Variants in CFAP206 observed in about 807,000 individuals in gnomAD.
The protein encoded by CFAP206 is cilia and flagella associated protein 206, also known as cilia- and flagella-associated protein 206.
In CFAP206, 53 loss-of-function variants were observed where a neutral mutation model predicts 65.4. That is an observed-to-expected ratio of 0.81 (90% CI 0.65 to 1.02). The LOEUF (loss-of-function observed/expected upper bound fraction) is 1.02. Among genes scored for constraint, CFAP206 ranks in the 50% least tolerant of loss-of-function variants. CFAP206 has a pLI of 0.00. For synonymous variants in CFAP206, 250 were observed against 254.4 expected (o/e 0.98, Z 0.17); for missense variants, 663 against 753.2 (o/e 0.88, Z 1.40).
At chr6:87,416,165 G>A (rs1236380248) in intron 5 of CFAP206, among the ~76,000 whole-genome samples, 1 of 152,032 alleles carries the variant, frequency 6.6e-6, no homozygotes, top group Non-Finnish European at 1.5e-5. Context: ...TAGGATTGAG[G>A]GTACCAGGCT....
intron 11 of CFAP206, among the ~76,000 whole-genome samples, chr6:87,439,963 G>A (rs1190883314): frequency 1.2e-4 from 18 of 152,004 alleles, no homozygotes; most frequent in African/African-American, 2.2e-4. Flanking sequence ...TTTCTTCTCC[G>A]AAAAGTCTTG....
chr6:87,434,866 C>A lies in CFAP206; in HGVS notation c.1307C>A (p.Pro436Gln). The change falls in exon 11 of 13, where the codon CCA becomes CAA. Residue 436 changes from proline to glutamine, a missense_variant. Coordinates refer to ENST00000369562, the MANE Select transcript of CFAP206 (RefSeq NM_001031743.3). ...ATTCTTTTTTTATTTTCAGGAAATC[C>A]AGCAATTGGAATTTTAAAATATAAA... Reference protein sequence around the residue: ...ATDGLLLPGNPAIGILKYKEK... With the variant: ...ATDGLLLPGNQAIGILKYKEK... The A allele has an allele frequency of 7.5e-7, 1 of 1,334,082 alleles. No homozygotes were observed. Among genetic ancestry groups the A allele is most frequent in the Non-Finnish European group, 1.0e-6 (1 of 963,750 alleles). The allele number at this position is 1,334,082 out of a possible 1,614,324, so 82.6% of individuals were successfully genotyped here. A position where few individuals can be genotyped will look rare whatever the true frequency, so the allele number is the denominator to read the frequency against.
At chr6:87,449,436 C>CAACAA (rs1768503309) in intron 11 of CFAP206, among the ~76,000 whole-genome samples, 1 of 53,060 alleles carries the variant, frequency 1.9e-5, no homozygotes. Flanking sequence ...GACTCCATCT[C>CAACAA]AAAAAAAAAA....
intron 6 of CFAP206, among the ~76,000 whole-genome samples, chr6:87,417,875 G>A (rs1001900825): frequency 2.6e-5 from 4 of 151,332 alleles, no homozygotes; most frequent in African/African-American, 7.3e-5. Flanking sequence ...CCTGTGCTGG[G>A]ATTACAGGCA....
At chr6:87,448,896 A>G (rs992296767) in intron 11 of CFAP206, among the ~76,000 whole-genome samples, 9 of 152,014 alleles carry the variant, frequency 5.9e-5, no homozygotes, top group African/African-American at 1.7e-4. Flanking sequence ...TATTTTCTTT[A>G]TTCTCCTGTT....
intron 11 of CFAP206, chr6:87,444,683 A>C (rs1424624906): frequency 8.6e-6 from 3 of 348,438 alleles, no homozygotes; most frequent in South Asian, 7.3e-5. Context: ...GGGCTCTCTC[A>C]TGCTCTTTTC....
chr6:87,462,868 C>G (rs1462388095), intron 12 of CFAP206, among the ~76,000 whole-genome samples: 1 of 152,196 alleles, frequency 6.6e-6, no homozygotes, highest in Non-Finnish European at 1.5e-5. Flanking sequence ...GTGTCACCTA[C>G]CTAACCTGTG....
At chr6:87,429,314 G>A (rs1323118857) in intron 9 of CFAP206, among the ~76,000 whole-genome samples, 2 of 151,854 alleles carry the variant, frequency 1.3e-5, no homozygotes, top group African/African-American at 4.8e-5. Context: ...TTACTGTCCA[G>A]CAATAACCAT....
chr6:87,460,717 A>G (rs1768731217), intron 11 of CFAP206, among the ~76,000 whole-genome samples: 1 of 152,074 alleles, frequency 6.6e-6, no homozygotes, highest in Non-Finnish European at 1.5e-5. Flanking sequence ...TCCTGCCTCG[A>G]ATCTCAGCAT....
At position 87,409,600 on chromosome 6, in the gene CFAP206, A is replaced by G. The variant is rs564215789; in HGVS notation, c.-5-235A>G. Among the ~76,000 whole-genome samples the G allele has an allele frequency of 1.7e-4, 25 of 150,714 alleles. 1 individual carries two copies. In the South Asian group the frequency reaches 5.2e-3, roughly 31 times the overall value. ...CATAATTTAAATAATTGAAAATGTTATTTATCAAATGTTTCAATTATTTGA... is the reference window on the plus strand; with the variant it reads ...CATAATTTAAATAATTGAAAATGTTGTTTATCAAATGTTTCAATTATTTGA... On this transcript the variant is annotated intron_variant, in intron 1 of 12. Transcript: ENST00000369562.
chr6:87,427,228 C>T (rs1768057706), intron 8 of CFAP206, among the ~76,000 whole-genome samples: 1 of 152,176 alleles, frequency 6.6e-6, no homozygotes, highest in Non-Finnish European at 1.5e-5. Context: ...AGCTCCGCCT[C>T]CTGGGTTCAC....
At chr6:87,437,363 T>A (rs144850105) in intron 11 of CFAP206, among the ~76,000 whole-genome samples, 3 of 145,398 alleles carry the variant, frequency 2.1e-5, no homozygotes, top group East Asian at 4.0e-4. Flanking sequence ...ATTGCGTATT[T>A]ATAACTTTTG....
chr6:87,410,395 G>A (rs1452515122), intron 2 of CFAP206, among the ~76,000 whole-genome samples, 190 bp from the exon 3 acceptor site: 1 of 152,086 alleles, frequency 6.6e-6, no homozygotes, highest in Non-Finnish European at 1.5e-5. Flanking sequence ...GATGTTTGTT[G>A]CTTCCTTTTT....
chr6:87,438,020 G>C (rs1425323997), intron 11 of CFAP206, among the ~76,000 whole-genome samples: 3 of 151,570 alleles, frequency 2.0e-5, no homozygotes, highest in Non-Finnish European at 2.9e-5. Flanking sequence ...CTATATAACA[G>C]ATACTCTCTA....
At chr6:87,415,047 T>C (rs1315997131) in intron 4 of CFAP206, among the ~76,000 whole-genome samples, 2 of 152,122 alleles carry the variant, frequency 1.3e-5, no homozygotes, top group African/African-American at 2.4e-5. Flanking sequence ...CATTGCAGAA[T>C]TGTACTTGCA....
intron 11 of CFAP206, among the ~76,000 whole-genome samples, chr6:87,442,781 T>G (rs1191102932): frequency 3.3e-5 from 5 of 152,202 alleles, no homozygotes; most frequent in Admixed American, 3.3e-4. Flanking sequence ...GTGAATTATA[T>G]TATTTCTAAG....
intron 7 of CFAP206, among the ~76,000 whole-genome samples, chr6:87,421,426 C>G (rs1369220414): frequency 6.6e-6 from 1 of 152,008 alleles, no homozygotes; most frequent in African/African-American, 2.4e-5. Context: ...ACAGAGGTTG[C>G]AGTGAGCTGA....
chr6:87,420,417 C>A (rs1315012696), intron 7 of CFAP206, among the ~76,000 whole-genome samples: 4 of 152,198 alleles, frequency 2.6e-5, no homozygotes, highest in Non-Finnish European at 4.4e-5. Flanking sequence ...CATTGGCGTT[C>A]TACTTCTCAC....
At position 87,408,027 on chromosome 6, in the gene CFAP206, T is replaced by C; in HGVS notation, c.-68T>C. ...TGCGAGCGCCCAACTGCTCCGACCG[T>C]CGCGGTGAGGGCCCCAGGACAGAAG... On this transcript the variant is annotated 5_prime_UTR_variant, in exon 1 of 13. Transcript: ENST00000369562. The C allele has an allele frequency of 1.0e-6, 1 of 985,488 alleles. No homozygotes were observed. The highest frequency in any genetic ancestry group is 4.7e-5 in the South Asian group (1 of 21,280). The allele number at this position is 985,488 out of a possible 1,614,324, so 61.0% of individuals were successfully genotyped here.
Sources: allele counts gnomAD v4.1 joint callset (sites outside exome capture counted in the v4.1 genomes callset), GRCh38; gene constraint gnomAD v4.1.1; transcripts MANE v1.5; gene names NCBI Gene and HGNC (gene_info 2026-07-23, HGNC 2026-07-21).